The following CCDC178 variants were observed in gnomAD, a reference collection of about 807,000 sequenced individuals.
CCDC178 encodes coiled-coil domain-containing protein 178.
A neutral mutation model predicts 117.4 loss-of-function variants in CCDC178; 126 were observed. The ratio of observed to expected loss-of-function variants is 1.07; its 90% CI spans 0.93 to 1.24. CCDC178 has a LOEUF of 1.24. Among genes scored for constraint, CCDC178 ranks in the 50% most tolerant of loss-of-function variants. The probability of loss-of-function intolerance (pLI) is 0.00; values close to 1 mark genes in which losing one functional copy is unlikely to be tolerated. For missense variants in CCDC178, 1,030 were observed against 986.9 expected (o/e 1.04, Z -0.59); for synonymous variants, 283 against 313.4 (o/e 0.90, Z 1.02).
At chr18:33,062,560 G>A (rs1406021249) in intron 21 of CCDC178, among the ~76,000 whole-genome samples, 2 of 152,256 alleles carry the variant, frequency 1.3e-5, no homozygotes, top group East Asian at 1.9e-4. Context: ...CTATTGTGAC[G>A]GACAGAAAGG....
At position 33,011,510 on chromosome 18, in the gene CCDC178, C is replaced by T. The variant is rs188549674; in HGVS notation, c.2389-36829G>A. Among the ~76,000 whole-genome samples, 177 of 151,962 alleles carry T rather than the reference C, an allele frequency of 1.2e-3. 1 individual carries two copies. The Middle Eastern group carries it at 0.014, about 12-fold the overall frequency. The stretch of plus-strand genomic sequence containing the variant: ...AGCCTGCAGGATTCCAATGGGGAGC[C>T]GAGTAATGAGCTCTCAGCATTCGCT... On this transcript the variant is annotated intron_variant, in intron 21 of 22. Coordinates refer to ENST00000383096, the MANE Select transcript of CCDC178 (RefSeq NM_001105528.4).
rs429353 is a variant in CCDC178 at position 33,193,295 on chromosome 18, A to G, written c.2238+18601T>C. On this transcript the variant is annotated intron_variant, in intron 20 of 22. Transcript: ENST00000383096. Reference sequence around the variant, plus strand: ...AAAAAAAAAAAAAAAAAAAAAAAAGACAAATCTAATAAAGAGGTCTGAGGA... The same window carrying G: ...AAAAAAAAAAAAAAAAAAAAAAAAGGCAAATCTAATAAAGAGGTCTGAGGA... Among the ~76,000 whole-genome samples, 40 of 134,426 alleles carry G rather than the reference A, an allele frequency of 3.0e-4. 1 individual carries two copies. In the South Asian group the frequency reaches 9.4e-3, roughly 32 times the overall value. 88.2% of individuals were successfully genotyped at this position (134,426 alleles called of 152,430 possible).
At chr18:33,111,287 T>C (rs1024333256) in intron 20 of CCDC178, among the ~76,000 whole-genome samples, 7 of 151,596 alleles carry the variant, frequency 4.6e-5, no homozygotes, top group Non-Finnish European at 1.0e-4. Context: ...TTACTGTTTA[T>C]CTGTAAAGTC....
intron 21 of CCDC178, among the ~76,000 whole-genome samples, chr18:33,090,112 A>G (rs2057440140): frequency 1.3e-5 from 2 of 152,314 alleles, no homozygotes; most frequent in South Asian, 2.1e-4. Flanking sequence ...TAACAGTAAG[A>G]GAAATACTAT....
At chr18:33,346,153 A>T (rs2062889688) in intron 9 of CCDC178, 58 bp downstream of exon 9, 1 of 1,301,372 alleles carries the variant, frequency 7.7e-7, no homozygotes, top group South Asian at 1.3e-5. Context: ...ACAGACCTGT[A>T]ATTAATTATC....
intron 6 of CCDC178, among the ~76,000 whole-genome samples, chr18:33,357,685 T>C (rs960896655): frequency 6.6e-6 from 1 of 152,078 alleles, no homozygotes; most frequent in Admixed American, 6.6e-5. Context: ...TCATAAATTA[T>C]CAAAAATGCA....
At chr18:33,120,569 C>A (rs1171735242) in intron 20 of CCDC178, among the ~76,000 whole-genome samples, 1 of 152,014 alleles carries the variant, frequency 6.6e-6, no homozygotes, top group Non-Finnish European at 1.5e-5. Context: ...TTGGGTCAAC[C>A]CACCTGGAAA....
At chr18:33,046,243 A>G (rs1040981597) in intron 21 of CCDC178, among the ~76,000 whole-genome samples, 4 of 152,184 alleles carry the variant, frequency 2.6e-5, no homozygotes, top group Non-Finnish European at 5.9e-5. Flanking sequence ...TTATCCTTGC[A>G]TCTAGGTCTA....
At chr18:33,249,218 G>C (rs979174670) in intron 14 of CCDC178, among the ~76,000 whole-genome samples, 1 of 152,090 alleles carries the variant, frequency 6.6e-6, no homozygotes, top group Non-Finnish European at 1.5e-5. Context: ...TCTGTGGGTT[G>C]CCTGTTCACT....
chr18:33,182,266 T>C (rs1477668610), intron 20 of CCDC178, among the ~76,000 whole-genome samples: 2 of 151,888 alleles, frequency 1.3e-5, no homozygotes, highest in Non-Finnish European at 2.9e-5. Context: ...AAGTATGCAC[T>C]TTATAGTATC....
At chr18:33,083,263 G>A (rs1476315028) in intron 21 of CCDC178, among the ~76,000 whole-genome samples, 1 of 152,128 alleles carries the variant, frequency 6.6e-6, no homozygotes, top group Non-Finnish European at 1.5e-5. Context: ...AGGCAGTCTG[G>A]CCCCATGCTA....
chr18:33,092,734 C>A (rs758634629), intron 21 of CCDC178, 27 bp downstream of exon 21: 3 of 1,505,672 alleles, frequency 2.0e-6, no homozygotes, highest in Admixed American at 3.9e-5. Context: ...TAAATCATCA[C>A]CTTAAAACAA....
At chr18:32,945,828 A>C (rs925962329) in intron 22 of CCDC178, among the ~76,000 whole-genome samples, 3 of 152,174 alleles carry the variant, frequency 2.0e-5, no homozygotes, top group Non-Finnish European at 4.4e-5. Flanking sequence ...GTGATATTAC[A>C]CAGTTTTTAA....
At chr18:33,171,086 T>C (rs1199066307) in intron 20 of CCDC178, among the ~76,000 whole-genome samples, 2 of 152,176 alleles carry the variant, frequency 1.3e-5, no homozygotes, top group Non-Finnish European at 2.9e-5. Context: ...TGAGACAGGA[T>C]TGAAATTTAT....
At chr18:33,438,231 C>T (rs1220667456) in intron 2 of CCDC178, among the ~76,000 whole-genome samples, 7 of 152,098 alleles carry the variant, frequency 4.6e-5, no homozygotes, top group Admixed American at 3.3e-4. Context: ...CAGATAAGAT[C>T]CTCAGACCAG....
chr18:33,024,006 C>A (rs1461524536), intron 21 of CCDC178, among the ~76,000 whole-genome samples: 3 of 152,038 alleles, frequency 2.0e-5, no homozygotes, highest in African/African-American at 7.2e-5. Context: ...TGAAATTAAC[C>A]GTTCCTCAAA....
chr18:33,189,849 A>C (rs2058837496), intron 20 of CCDC178, among the ~76,000 whole-genome samples: 1 of 152,142 alleles, frequency 6.6e-6, no homozygotes, highest in Non-Finnish European at 1.5e-5. Flanking sequence ...CAAAAGAAAA[A>C]ACATGAAGAA....
At chr18:33,270,502 G>A (rs537105043) in intron 12 of CCDC178, among the ~76,000 whole-genome samples, 3 of 151,510 alleles carry the variant, frequency 2.0e-5, no homozygotes, top group East Asian at 1.9e-4. Context: ...CAAGAGAAAA[G>A]TGACACTTCA....
chr18:33,130,086 C>T (rs1305879423), intron 20 of CCDC178, among the ~76,000 whole-genome samples: 2 of 151,700 alleles, frequency 1.3e-5, no homozygotes, highest in African/African-American at 4.8e-5. Context: ...GATAGCATAG[C>T]TAAATTTCAT....
Sources: gnomAD v4.1 joint callset for allele counts (sites outside exome capture counted in the v4.1 genomes callset) on GRCh38, gnomAD v4.1.1 for gene constraint, MANE v1.5 for transcripts, NCBI Gene and HGNC (gene_info 2026-07-23, HGNC 2026-07-21) for gene names.